Variants in SLC39A11 observed in about 807,000 individuals in gnomAD.
SLC39A11 encodes solute carrier family 39 member 11.
Under a neutral mutation model 36.1 loss-of-function variants are expected in SLC39A11, and 33 were observed. The ratio of observed to expected loss-of-function variants is 0.91; its 90% CI spans 0.69 to 1.22. The LOEUF (loss-of-function observed/expected upper bound fraction) is 1.22, where lower values mean the gene tolerates loss of function less well. Ranked by LOEUF, SLC39A11 falls within the 50% of genes most tolerant of loss-of-function variation. The pLI is 0.00. For synonymous variants in SLC39A11, 166 were observed against 170.3 expected, an observed-to-expected ratio of 0.97 and a Z score of 0.20; for missense variants, 432 against 430.3, an observed-to-expected ratio of 1.00 and a Z score of -0.03.
intron 3 of SLC39A11, among the ~76,000 whole-genome samples, chr17:73,080,589 A>C (rs1236790406): frequency 6.6e-6 from 1 of 152,242 alleles, no homozygotes; most frequent in Admixed American, 6.5e-5. Flanking sequence ...AGATTTCATG[A>C]CCAAGAACCC....
chr17:72,718,600 A>C (rs1283885985), intron 7 of SLC39A11, among the ~76,000 whole-genome samples: 1 of 152,182 alleles, frequency 6.6e-6, no homozygotes, highest in Admixed American at 6.5e-5. Context: ...CACGTCACTT[A>C]ACAGCAGAGT....
intron 5 of SLC39A11, among the ~76,000 whole-genome samples, chr17:72,851,073 C>G (rs193230127): frequency 4.6e-5 from 7 of 152,098 alleles, no homozygotes; most frequent in Admixed American, 2.0e-4. Flanking sequence ...CATCAACAAG[C>G]AGAGATGGGA....
intron 5 of SLC39A11, among the ~76,000 whole-genome samples, chr17:72,939,367 G>A (rs1255981136): frequency 6.6e-6 from 1 of 151,898 alleles, no homozygotes; most frequent in Non-Finnish European, 1.5e-5. Context: ...GCTGAGGCAG[G>A]AGAACTGCTT....
At chr17:72,771,123 G>A (rs2075921305) in intron 6 of SLC39A11, among the ~76,000 whole-genome samples, 3 of 150,930 alleles carry the variant, frequency 2.0e-5, no homozygotes, top group Admixed American at 2.0e-4. Flanking sequence ...AGCGGCTCAC[G>A]CCTCTAATAC....
At chr17:72,765,937 C>A (rs912371010) in intron 6 of SLC39A11, among the ~76,000 whole-genome samples, 4 of 152,154 alleles carry the variant, frequency 2.6e-5, no homozygotes, top group African/African-American at 9.7e-5. Flanking sequence ...CAGGGGCCAG[C>A]TGAGTAATGA....
intron 4 of SLC39A11, among the ~76,000 whole-genome samples, chr17:73,014,882 G>T (rs906521697): frequency 6.6e-6 from 1 of 152,026 alleles, no homozygotes; most frequent in Non-Finnish European, 1.5e-5. Flanking sequence ...CCTGTTCAGA[G>T]CTCTCCCAAT....
intron 6 of SLC39A11, among the ~76,000 whole-genome samples, chr17:72,791,670 C>A (rs1598750640): frequency 6.6e-6 from 1 of 152,196 alleles, no homozygotes; most frequent in Admixed American, 6.5e-5. Flanking sequence ...AATTGTAATC[C>A]CCATGTGTTG....
At chr17:72,683,747 A>C (rs2071614404) in intron 7 of SLC39A11, among the ~76,000 whole-genome samples, 1 of 152,144 alleles carries the variant, frequency 6.6e-6, no homozygotes, top group African/African-American at 2.4e-5. Context: ...AGCTAAAGAC[A>C]GAGCCAAAAA....
chr17:72,776,228 A>G (rs2076126303), intron 6 of SLC39A11, among the ~76,000 whole-genome samples: 1 of 152,212 alleles, frequency 6.6e-6, no homozygotes, highest in African/African-American at 2.4e-5. Flanking sequence ...CGTTGCCTCC[A>G]TTCTTTCCCC....
intron 7 of SLC39A11, among the ~76,000 whole-genome samples, chr17:72,693,997 C>A (rs2072165546): frequency 6.6e-6 from 1 of 152,086 alleles, no homozygotes; most frequent in African/African-American, 2.4e-5. Flanking sequence ...CACCTCCCTG[C>A]CCTGACTCTC....
At chr17:73,035,850 C>G (rs1044551580) in intron 3 of SLC39A11, among the ~76,000 whole-genome samples, 5 of 109,496 alleles carry the variant, frequency 4.6e-5, no homozygotes, top group African/African-American at 1.8e-4. Context: ...GGTGACAGAG[C>G]GACACTCCAT....
At chr17:72,975,340 G>A (rs997956506) in intron 4 of SLC39A11, among the ~76,000 whole-genome samples, 12 of 152,214 alleles carry the variant, frequency 7.9e-5, no homozygotes, top group Admixed American at 1.3e-4. Flanking sequence ...TTTGGAGGCT[G>A]AGCCAGAAGA....
chr17:72,858,571 T>C (rs2079784679), intron 5 of SLC39A11, among the ~76,000 whole-genome samples: 1 of 152,240 alleles, frequency 6.6e-6, no homozygotes, highest in Non-Finnish European at 1.5e-5. Context: ...TGTGGCAGTA[T>C]AGGCATTTTA....
At chr17:73,017,496 T>C (rs1054855642) in intron 4 of SLC39A11, among the ~76,000 whole-genome samples, 1 of 152,148 alleles carries the variant, frequency 6.6e-6, no homozygotes, top group Non-Finnish European at 1.5e-5. Flanking sequence ...GTGGATCACC[T>C]GAGGTTAGGA....
chr17:72,767,992 T>C (rs1187037884), intron 6 of SLC39A11, among the ~76,000 whole-genome samples: 1 of 150,136 alleles, frequency 6.7e-6, no homozygotes. Flanking sequence ...GGGGTGGGGG[T>C]GGCTAGGCTT....
chr17:72,973,748 A>G (rs1445063580), intron 4 of SLC39A11, among the ~76,000 whole-genome samples: 1 of 152,086 alleles, frequency 6.6e-6, no homozygotes, highest in African/African-American at 2.4e-5. Flanking sequence ...TTTTGTAGAG[A>G]TGGAGTTTCA....
chr17:72,774,608 G>A (rs1433429439), intron 6 of SLC39A11, among the ~76,000 whole-genome samples: 1 of 152,182 alleles, frequency 6.6e-6, no homozygotes, highest in African/African-American at 2.4e-5. Context: ...GTCATGCCTG[G>A]AGGGGGACTC....
At chr17:72,999,113 A>G (rs1329504829) in intron 4 of SLC39A11, among the ~76,000 whole-genome samples, 21 of 152,214 alleles carry the variant, frequency 1.4e-4, no homozygotes, top group Middle Eastern at 3.2e-3. Context: ...CATCCTCACC[A>G]AAAGGAGGAT....
chr17:72,698,038 T>C lies in SLC39A11; in HGVS notation c.671+38612A>G, dbSNP rs186729400. On this transcript the variant is annotated intron_variant, in intron 7 of 9. Transcript: ENST00000255559. ...TGGTGGCTAGGAACAGAAGCCCATC[T>C]GCAAAGACTAAACGCCTTGTTCTAC... Among the ~76,000 whole-genome samples the C allele has an allele frequency of 6.0e-4, 92 of 152,358 alleles. No homozygotes were observed. In the Middle Eastern group the frequency reaches 0.014, roughly 23 times the overall value.
Sources: gnomAD v4.1 joint callset for allele counts (sites outside exome capture counted in the v4.1 genomes callset) on GRCh38, gnomAD v4.1.1 for gene constraint, MANE v1.5 for transcripts, NCBI Gene and HGNC (gene_info 2026-07-23, HGNC 2026-07-21) for gene names.